Variants in CHST11 observed in about 807,000 individuals in gnomAD.
CHST11 encodes C4S-1.
In CHST11, 9 loss-of-function variants were observed where a neutral mutation model predicts 30.4. That is an observed-to-expected ratio of 0.30 (90% CI 0.18 to 0.52). The LOEUF is 0.52. Among genes scored for constraint, CHST11 ranks in the 20% least tolerant of loss-of-function variants. CHST11 has a pLI of 0.97. For missense variants in CHST11, 348 were observed against 460.6 expected, an observed-to-expected ratio of 0.76 and a Z score of 2.24; for synonymous variants, 152 against 187.8, an observed-to-expected ratio of 0.81 and a Z score of 1.56.
At chr12:104,460,826 T>C (rs548388228) in intron 1 of CHST11, among the ~76,000 whole-genome samples, 1 of 152,310 alleles carries the variant, frequency 6.6e-6, no homozygotes, top group African/African-American at 2.4e-5. Flanking sequence ...TTAGCAGAAG[T>C]GGGCCTTGTC....
intron 2 of CHST11, among the ~76,000 whole-genome samples, chr12:104,749,072 A>T (rs1458092721): frequency 6.6e-6 from 1 of 152,164 alleles, no homozygotes; most frequent in Non-Finnish European, 1.5e-5. Context: ...CTTAAATGGG[A>T]TGTGGTATGT....
At position 104,536,488 on chromosome 12, in the gene CHST11, T is replaced by C. The variant is rs12299778; in HGVS notation, c.119-65418T>C. 5.8e-3 allele frequency among the ~76,000 whole-genome samples: 890 copies of C among 152,272 alleles called. 7 individuals are homozygous for C. Among genetic ancestry groups the C allele is most frequent in the African/African-American group, 0.02 (834 of 41,560 alleles). ...TGTCCATATGATGTACTTGTGTAAA[T>C]TTTGCATGCCTTTGCTTCATTGTTC... On this transcript the variant is annotated intron_variant, in intron 1 of 2. Coordinates refer to ENST00000303694, the MANE Select transcript of CHST11 (RefSeq NM_018413.6).
chr12:104,551,110 G>A (rs1228742166), intron 1 of CHST11, among the ~76,000 whole-genome samples: 1 of 152,192 alleles, frequency 6.6e-6, no homozygotes, highest in Non-Finnish European at 1.5e-5. Context: ...GTTGAAGTGT[G>A]GGTTGGGATT....
At chr12:104,720,614 C>T (rs187403893) in intron 2 of CHST11, among the ~76,000 whole-genome samples, 124 of 152,260 alleles carry the variant, frequency 8.1e-4, no homozygotes, top group Non-Finnish European at 1.5e-3. Context: ...AACAGTGTGA[C>T]GTGCTGCGGT....
chr12:104,711,906 C>T (rs1299987115), intron 2 of CHST11, among the ~76,000 whole-genome samples: 1 of 152,064 alleles, frequency 6.6e-6, no homozygotes, highest in Non-Finnish European at 1.5e-5. Flanking sequence ...CAGACTAGTC[C>T]AGCTGGTGCT....
chr12:104,735,422 A>G (rs961964022), intron 2 of CHST11, among the ~76,000 whole-genome samples: 6 of 152,206 alleles, frequency 3.9e-5, no homozygotes, highest in Non-Finnish European at 5.9e-5. Flanking sequence ...GGTAAAAATA[A>G]TAATACCACG....
chr12:104,501,657 C>G (rs1351028191), intron 1 of CHST11, among the ~76,000 whole-genome samples: 1 of 152,166 alleles, frequency 6.6e-6, no homozygotes, highest in East Asian at 1.9e-4. Flanking sequence ...AGTGCTCAGC[C>G]GAGAGCCTGG....
chr12:104,727,504 A>T (rs2040225408), intron 2 of CHST11, among the ~76,000 whole-genome samples: 1 of 152,206 alleles, frequency 6.6e-6, no homozygotes, highest in African/African-American at 2.4e-5. Context: ...GGGTCTGGGG[A>T]GGCACATTCA....
chr12:104,746,785 T>A (rs61938654), intron 2 of CHST11, among the ~76,000 whole-genome samples: 1,982 of 152,344 alleles, frequency 0.013, 21 homozygotes, highest in Non-Finnish European at 0.022. Context: ...AGATCGTTTC[T>A]TTAAAGGCCC....
chr12:104,719,721 GT>G (rs1318289449), intron 2 of CHST11, among the ~76,000 whole-genome samples: 1 of 152,218 alleles, frequency 6.6e-6, no homozygotes, highest in Admixed American at 6.5e-5. Flanking sequence ...AGAATGAGGA[GT>G]TGGGGCATGG....
intron 1 of CHST11, among the ~76,000 whole-genome samples, chr12:104,599,179 G>A (rs191474627): frequency 6.2e-4 from 94 of 152,304 alleles, no homozygotes; most frequent in African/African-American, 2.0e-3. Flanking sequence ...GCCAAGGCCG[G>A]TTCCCATGGC....
At chr12:104,677,023 A>C (rs1047028741) in intron 2 of CHST11, among the ~76,000 whole-genome samples, 1 of 151,936 alleles carries the variant, frequency 6.6e-6, no homozygotes, top group African/African-American at 2.4e-5. Context: ...CCCTTCTCCA[A>C]CCTTCTCCCG....
intron 2 of CHST11, among the ~76,000 whole-genome samples, chr12:104,703,597 G>T (rs1014160027): frequency 6.6e-6 from 1 of 152,144 alleles, no homozygotes; most frequent in Admixed American, 6.5e-5. Context: ...GCCAGAGCTG[G>T]TCTACAGCGT....
chr12:104,646,653 T>C (rs912611572), intron 2 of CHST11, among the ~76,000 whole-genome samples: 1 of 152,122 alleles, frequency 6.6e-6, no homozygotes, highest in South Asian at 2.1e-4. Context: ...GAGCCGAGAT[T>C]GCGCCACTGC....
At position 104,673,370 on chromosome 12, in the gene CHST11, C is replaced by T. The variant is rs555442745; in HGVS notation, c.204+71379C>T. Among the ~76,000 whole-genome samples, 24 of 152,254 alleles carry T rather than the reference C, an allele frequency of 1.6e-4. 1 individual carries two copies. Among genetic ancestry groups the T allele is most frequent in the African/African-American group, 5.1e-4 (21 of 41,560 alleles). On this transcript the variant is annotated intron_variant, in intron 2 of 2. Coordinates refer to ENST00000303694, the MANE Select transcript of CHST11 (RefSeq NM_018413.6). ...TGGATTAACACTGACTTGAGGCTTTCTAGGGTGAGCCTAGAGCATTTTCTC... is the reference window on the plus strand; with the variant it reads ...TGGATTAACACTGACTTGAGGCTTTTTAGGGTGAGCCTAGAGCATTTTCTC...
In CHST11 at chr12:104,725,382, G is replaced by A. The variant is rs561152437; in HGVS notation, c.205-31567G>A. On this transcript the variant is annotated intron_variant, in intron 2 of 2. Transcript: ENST00000303694. ...CCTGGTTCTTCAGCCCAGCCTGGTC[G>A]TATGGGTTCATGACCTCGAGTGAGT... 9.1e-4 allele frequency among the ~76,000 whole-genome samples: 138 copies of A among 152,290 alleles called. 1 individual carries two copies. Among genetic ancestry groups the A allele is most frequent in the African/African-American group, 3.1e-3 (130 of 41,552 alleles).
intron 1 of CHST11, among the ~76,000 whole-genome samples, chr12:104,548,917 C>T (rs546551772): frequency 1.7e-4 from 26 of 152,198 alleles, no homozygotes; most frequent in Non-Finnish European, 3.1e-4. Context: ...GTGAACTAGG[C>T]TCCTTATCAT....
intron 1 of CHST11, among the ~76,000 whole-genome samples, chr12:104,485,405 G>T (rs1484359635): frequency 6.6e-6 from 1 of 152,208 alleles, no homozygotes; most frequent in Non-Finnish European, 1.5e-5. Flanking sequence ...AAGAAGAGTG[G>T]TATGCAACCC....
intron 2 of CHST11, among the ~76,000 whole-genome samples, chr12:104,741,569 C>G (rs1246074492): frequency 2.6e-5 from 4 of 152,162 alleles, no homozygotes; most frequent in African/African-American, 9.7e-5. Flanking sequence ...ATATTAATAG[C>G]TAATCTTGAT....
Sources: allele counts gnomAD v4.1 joint callset (sites outside exome capture counted in the v4.1 genomes callset), GRCh38; gene constraint gnomAD v4.1.1; transcripts MANE v1.5; gene names NCBI Gene and HGNC (gene_info 2026-07-23, HGNC 2026-07-21).